The following TRPC4 variants were observed in gnomAD, a reference collection of about 807,000 sequenced individuals.
TRPC4 encodes the protein short transient receptor potential channel 4.
TRPC4 carries 49 observed loss-of-function variants against 99.4 expected under a neutral mutation model. That is an observed-to-expected ratio of 0.49 (90% CI 0.39 to 0.63). The LOEUF (loss-of-function observed/expected upper bound fraction) is 0.63. Among genes scored for constraint, TRPC4 ranks in the 20% least tolerant of loss-of-function variants. TRPC4 has a pLI of 0.00. For synonymous variants in TRPC4, 454 were observed against 425.9 expected (o/e 1.07, Z -0.81); for missense variants, 898 against 1,152.9 (o/e 0.78, Z 3.20).
Position 37,759,469 on chromosome 13 carries a change from A to G in TRPC4, c.379-13014T>C, listed in dbSNP as rs548347422. 5.3e-5 allele frequency among the ~76,000 whole-genome samples: 8 copies of G among 151,994 alleles called. No homozygotes were observed. In the East Asian group the frequency reaches 1.6e-3, roughly 30 times the overall value. On this transcript the variant is annotated intron_variant, in intron 2 of 10. Transcript: ENST00000379705. Reference sequence around the variant, plus strand: ...CATAAAGTTAAAAAAATAAGCTACTAAACTACAATAAAATGCATTTGCAAC... The same window carrying G: ...CATAAAGTTAAAAAAATAAGCTACTGAACTACAATAAAATGCATTTGCAAC...
chr13:37,818,083 A>T (rs188810708), intron 1 of TRPC4, among the ~76,000 whole-genome samples: 3 of 152,168 alleles, frequency 2.0e-5, no homozygotes, highest in African/African-American at 7.2e-5. Context: ...GAAAATGATT[A>T]ATAGCGTGAA....
chr13:37,662,537 T>C (rs1430422495), intron 6 of TRPC4, among the ~76,000 whole-genome samples: 1 of 152,222 alleles, frequency 6.6e-6, no homozygotes, highest in African/African-American at 2.4e-5. Context: ...TTATTGACTT[T>C]TTTGTTACTT....
Position 37,663,461 on chromosome 13 carries a change from G to A in TRPC4, c.1643C>T (p.Thr548Ile), listed in dbSNP as rs771983959. 7 of 1,614,010 alleles carry A rather than the reference G, an allele frequency of 4.3e-6. No individual in the cohort carries two copies. Among genetic ancestry groups the A allele is most frequent in the African/African-American group, 4.0e-5 (3 of 74,940 alleles). The change falls in exon 6 of 11, where the codon ACC becomes ATC. Residue 548 changes from threonine to isoleucine, a missense_variant. This residue lies in a region of TRPC4 where 274 missense variants were observed against 454.9 expected (regional missense o/e 0.60). Transcript: ENST00000379705. ...YFYYEETKGL[T>I]CKGIRCEKQN... ...CTTTTCACATCTTATGCCTTTGCAG[G>A]TTAACCCTTTCGTTTCTTCATAATA...
intron 1 of TRPC4, among the ~76,000 whole-genome samples, chr13:37,796,513 A>G (rs913303639): frequency 6.6e-6 from 1 of 152,006 alleles, no homozygotes; most frequent in Admixed American, 6.6e-5. Context: ...ATGTTCTGCA[A>G]TTCTCTAGTG....
chr13:37,637,361 G>A lies in TRPC4; in HGVS notation c.2476C>T (p.Gln826Ter), dbSNP rs2138517073. Residue 826 changes from glutamine (Q) to a stop codon, truncating the protein, a stop_gained, in exon 11 of 11, where the codon CAG (glutamine) becomes TAG (stop). Transcript: ENST00000379705. LOFTEE classifies it high-confidence loss of function. Reference protein sequence around the residue: ...NISNGSALVVQEPPREKQRKV... With the variant: ...NISNGSALVV Reference sequence around the variant, plus strand: ...CTCTGCTTCTCCCTGGGCGGCTCCTGAACCACCAGGGCAGAGCCATTGCTT... The same window carrying A: ...CTCTGCTTCTCCCTGGGCGGCTCCTAAACCACCAGGGCAGAGCCATTGCTT... 1 of 1,613,632 alleles carries A rather than the reference G, an allele frequency of 6.2e-7. No homozygotes were observed. Among genetic ancestry groups the A allele is most frequent in the East Asian group, 2.2e-5 (1 of 44,876 alleles).
chr13:37,639,296 G>T lies in TRPC4; in HGVS notation c.2083C>A (p.Arg695=), dbSNP rs762198056. 3.7e-6 allele frequency: 6 copies of T among 1,613,354 alleles called. 1 individual carries two copies. The South Asian group carries it at 6.6e-5, about 18-fold the overall frequency. The change falls in exon 9 of 11, where the codon CGA becomes AGA. Residue 695 remains arginine, a synonymous_variant. Coordinates refer to ENST00000379705, the MANE Select transcript of TRPC4 (RefSeq NM_016179.4). ...TGTCTTCTCAAGTTATCAGCAGCTC[G>T]CCTCTGAAAAGGAAAAGGACATTCC... ...KPESFGTIGR[R]AADNLRRHHQ...
At chr13:37,709,165 G>C (rs1418483616) in intron 3 of TRPC4, among the ~76,000 whole-genome samples, 2 of 152,046 alleles carry the variant, frequency 1.3e-5, no homozygotes, top group East Asian at 3.9e-4. Flanking sequence ...TATCACTGCA[G>C]TATCAGCCTT....
intron 8 of TRPC4, among the ~76,000 whole-genome samples, chr13:37,648,631 A>G (rs1951921380): frequency 6.6e-6 from 1 of 152,204 alleles, no homozygotes; most frequent in Non-Finnish European, 1.5e-5. Context: ...AAATTCAAAT[A>G]TAAACACATA....
At chr13:37,687,847 G>A (rs888495520) in intron 4 of TRPC4, among the ~76,000 whole-genome samples, 1 of 152,136 alleles carries the variant, frequency 6.6e-6, no homozygotes, top group African/African-American at 2.4e-5. Flanking sequence ...CCATAGGAAT[G>A]CTTGATCAAA....
chr13:37,791,934 A>T (rs1427090906), intron 1 of TRPC4, among the ~76,000 whole-genome samples: 1 of 152,192 alleles, frequency 6.6e-6, no homozygotes, highest in East Asian at 1.9e-4. Context: ...TAAAGGAAAA[A>T]GCGGAAGAGA....
chr13:37,664,909 C>A (rs1024039455), intron 5 of TRPC4, among the ~76,000 whole-genome samples: 4 of 152,160 alleles, frequency 2.6e-5, no homozygotes, highest in Admixed American at 1.3e-4. Context: ...TCTTATTCAA[C>A]ACTCAGACTC....
Position 37,637,384 on chromosome 13 carries a change from C to T in TRPC4, c.2453G>A (p.Ser818Asn), listed in dbSNP as rs1473140410. 4 of 1,613,316 alleles carry T rather than the reference C, an allele frequency of 2.5e-6. No homozygotes were observed. Among genetic ancestry groups the T allele is most frequent in the African/African-American group, 1.3e-5 (1 of 74,762 alleles). Residue 818 changes from serine (S) to asparagine (N), a missense_variant, in exon 11 of 11, where the codon AGC (serine) becomes AAC (asparagine). This residue lies in a region of TRPC4 where 346 missense variants were observed against 351.4 expected (regional missense o/e 0.98). Transcript: ENST00000379705. Reference protein sequence around the residue: ...AAIASERHNISNGSALVVQEP... With the variant: ...AAIASERHNINNGSALVVQEP... ...CTGAACCACCAGGGCAGAGCCATTGCTTATGTTATGTCTTTCAGAGGCAAT... is the reference window on the plus strand; with the variant it reads ...CTGAACCACCAGGGCAGAGCCATTGTTTATGTTATGTCTTTCAGAGGCAAT...
intron 2 of TRPC4, among the ~76,000 whole-genome samples, chr13:37,760,066 G>C (rs1956184695): frequency 1.3e-5 from 2 of 152,074 alleles, no homozygotes; most frequent in East Asian, 3.9e-4. Flanking sequence ...TCATGCTAGA[G>C]AGTTGTAGAA....
chr13:37,710,768 G>C (rs1954456665), intron 3 of TRPC4, among the ~76,000 whole-genome samples: 1 of 151,800 alleles, frequency 6.6e-6, no homozygotes, highest in Non-Finnish European at 1.5e-5. Flanking sequence ...AAATCTGTAT[G>C]ACTAGAGATA....
At chr13:37,712,244 T>C (rs1348936470) in intron 3 of TRPC4, among the ~76,000 whole-genome samples, 2 of 152,216 alleles carry the variant, frequency 1.3e-5, no homozygotes, top group Non-Finnish European at 2.9e-5. Flanking sequence ...AGTCAACTGA[T>C]GATCCCCACA....
intron 3 of TRPC4, among the ~76,000 whole-genome samples, chr13:37,711,622 T>G (rs1954489789): frequency 6.6e-6 from 1 of 152,126 alleles, no homozygotes. Context: ...AGCAAAGATA[T>G]CTAAGAAAAA....
At chr13:37,718,336 TAG>T (rs1337954882) in intron 3 of TRPC4, among the ~76,000 whole-genome samples, 1 of 151,380 alleles carries the variant, frequency 6.6e-6, no homozygotes, top group Middle Eastern at 3.2e-3. Flanking sequence ...TAACAGAATC[TAG>T]AGTCTCCACA....
intron 1 of TRPC4, among the ~76,000 whole-genome samples, chr13:37,859,042 C>G (rs896215531): frequency 1.3e-5 from 2 of 150,582 alleles, no homozygotes; most frequent in Non-Finnish European, 3.0e-5. Context: ...TCTCTTGTAC[C>G]CCATAAATAC....
At chr13:37,865,759 G>A (rs781099189) in intron 1 of TRPC4, among the ~76,000 whole-genome samples, 6 of 151,606 alleles carry the variant, frequency 4.0e-5, no homozygotes, top group Non-Finnish European at 8.9e-5. Flanking sequence ...TTACCATCAG[G>A]TAGACGTAGT....
Sources: allele counts gnomAD v4.1 joint callset (sites outside exome capture counted in the v4.1 genomes callset), GRCh38; gene constraint gnomAD v4.1.1; regional missense constraint gnomAD v4.1.1; transcripts MANE v1.5; gene names NCBI Gene and HGNC (gene_info 2026-07-23, HGNC 2026-07-21).